Variants in CLVS1 observed in about 807,000 individuals in gnomAD.
CLVS1 encodes clavesin-1.
In CLVS1, 10 loss-of-function variants were observed where a neutral mutation model predicts 33.1. The ratio of observed to expected loss-of-function variants is 0.30; its 90% CI spans 0.19 to 0.51. The LOEUF is 0.51. Ranked by LOEUF, CLVS1 falls within the 20% of genes least tolerant of loss-of-function variation. The probability of loss-of-function intolerance (pLI) is 0.97; values close to 1 mark genes in which losing one functional copy is unlikely to be tolerated. For synonymous variants in CLVS1, 163 were observed against 166.1 expected, an observed-to-expected ratio of 0.98 and a Z score of 0.14; for missense variants, 343 against 433.4, an observed-to-expected ratio of 0.79 and a Z score of 1.85.
chr8:61,242,121 G>C (rs889961848), intron 2 of CLVS1, among the ~76,000 whole-genome samples: 1 of 151,922 alleles, frequency 6.6e-6, no homozygotes. Flanking sequence ...ATATGATCAG[G>C]CATGGTTTTC....
chr8:61,304,245 C>T (rs1810535382), intron 2 of CLVS1, among the ~76,000 whole-genome samples: 1 of 152,184 alleles, frequency 6.6e-6, no homozygotes. Flanking sequence ...TGGACCCAGA[C>T]ACATGGACAA....
At chr8:61,033,613 G>A in the CLVS1 span, among the ~76,000 whole-genome samples, 84 of 152,300 alleles carry the variant, frequency 5.5e-4, no homozygotes, top group Admixed American at 9.1e-4. Context: ...TGCCACTCCC[G>A]GGGAATTGCC....
chr8:61,325,334 G>A (rs1811346204), intron 2 of CLVS1, among the ~76,000 whole-genome samples: 1 of 151,998 alleles, frequency 6.6e-6, no homozygotes, highest in Non-Finnish European at 1.5e-5. Context: ...CCTTTAATAT[G>A]TACAACTTTG....
chr8:61,059,839 A>G (rs1034920845), intron 1 of CLVS1, among the ~76,000 whole-genome samples: 1 of 152,008 alleles, frequency 6.6e-6, no homozygotes, highest in African/African-American at 2.4e-5. Context: ...ACGTATATTT[A>G]TTCTGCAGCC....
intron 3 of CLVS1, among the ~76,000 whole-genome samples, chr8:61,442,227 T>C (rs1335751497): frequency 6.6e-6 from 1 of 152,214 alleles, no homozygotes; most frequent in African/African-American, 2.4e-5. Context: ...CCCTTTTTAC[T>C]CAGCAAAATT....
chr8:61,464,745 A>T (rs920411899), intron 5 of CLVS1: 1 of 152,284 alleles, frequency 6.6e-6, no homozygotes, highest in African/African-American at 2.4e-5. Flanking sequence ...GGCCACAAGG[A>T]TGTCCTGCCC....
intron 2 of CLVS1, among the ~76,000 whole-genome samples, chr8:61,308,085 G>C (rs1374252667): frequency 3.9e-5 from 6 of 152,158 alleles, no homozygotes; most frequent in Non-Finnish European, 8.8e-5. Flanking sequence ...CCTTAAGTTG[G>C]CTGCTGGTCA....
At chr8:61,455,079 T>C (rs1469846561) in intron 4 of CLVS1, among the ~76,000 whole-genome samples, 2 of 152,172 alleles carry the variant, frequency 1.3e-5, no homozygotes. Flanking sequence ...ATTGGATATA[T>C]TTAAGGTGTT....
In CLVS1 at chr8:61,101,121, T is replaced by C. The variant is rs1368606082; in HGVS notation, c.-242-30649T>C. On this transcript the variant is annotated intron_variant, in intron 1 of 2. Transcript: ENST00000522621. ...GGAATTGCTGGATCATATAGTAACA[T>C]GACCATACGTTTAAATATACATTTA... Among the ~76,000 whole-genome samples the C allele has an allele frequency of 2.6e-5, 4 of 152,202 alleles. No individual in the cohort carries two copies. In the East Asian group the frequency reaches 7.7e-4, roughly 29 times the overall value.
intron 3 of CLVS1, among the ~76,000 whole-genome samples, chr8:61,396,826 CATA>C (rs1814547291): frequency 6.6e-6 from 1 of 152,164 alleles, no homozygotes; most frequent in African/African-American, 2.4e-5. Flanking sequence ...TTTCTCTCAG[CATA>C]ATGTTTTCAA....
intron 2 of CLVS1, among the ~76,000 whole-genome samples, chr8:61,261,305 C>G (rs911589937): frequency 2.6e-5 from 4 of 152,170 alleles, no homozygotes; most frequent in African/African-American, 9.7e-5. Flanking sequence ...GGTTAAGCAA[C>G]ATTATTTTAT....
At chr8:61,266,412 T>C (rs1809304507) in intron 2 of CLVS1, among the ~76,000 whole-genome samples, 1 of 152,080 alleles carries the variant, frequency 6.6e-6, no homozygotes, top group African/African-American at 2.4e-5. Flanking sequence ...AATATCCTTT[T>C]CTTCCCCCAG....
chr8:61,060,806 C>T (rs553086457), intron 1 of CLVS1, among the ~76,000 whole-genome samples: 7 of 152,198 alleles, frequency 4.6e-5, no homozygotes, highest in South Asian at 2.1e-4. Flanking sequence ...CAAACGTGCC[C>T]GAGGCCACAG....
intron 5 of CLVS1, among the ~76,000 whole-genome samples, chr8:61,466,070 A>C (rs1001084913): frequency 3.3e-5 from 5 of 152,182 alleles, no homozygotes; most frequent in African/African-American, 1.2e-4. Context: ...ACTTTCTCCT[A>C]CCTAATTTAC....
Position 61,499,559 on chromosome 8 carries a change from A to G in CLVS1, c.*17A>G, listed in dbSNP as rs781191905. ...CTGGACTGAACCCTGAGTCACCCCA[A>G]TGCTCCTGCACACTGGCCTTCAGTG... is the stretch of plus-strand genomic sequence containing the variant. On this transcript the variant is annotated 3_prime_UTR_variant, in exon 6 of 6. Coordinates refer to ENST00000325897, the MANE Select transcript of CLVS1 (RefSeq NM_173519.3). The G allele has an allele frequency of 2.5e-6, 4 of 1,599,478 alleles. No individual in the cohort carries two copies. The highest frequency in any genetic ancestry group is 2.2e-5 in the South Asian group (2 of 90,784).
At chr8:61,135,789 A>G (rs1236922502) in intron 2 of CLVS1, among the ~76,000 whole-genome samples, 3 of 152,332 alleles carry the variant, frequency 2.0e-5, no homozygotes, top group African/African-American at 7.2e-5. Context: ...AAGCTTGAAG[A>G]TGGTGTGCTA....
the CLVS1 span, among the ~76,000 whole-genome samples, chr8:61,028,983 C>T: frequency 2.0e-5 from 3 of 152,206 alleles, no homozygotes; most frequent in South Asian, 4.1e-4. Context: ...TCCCCAAGAA[C>T]ACACATCTGT....
chr8:61,403,037 G>A (rs1263409863), intron 3 of CLVS1, among the ~76,000 whole-genome samples: 1 of 152,190 alleles, frequency 6.6e-6, no homozygotes, highest in African/African-American at 2.4e-5. Flanking sequence ...AACTACTAGG[G>A]TATGAATAAG....
chr8:61,075,019 G>A (rs999677311), intron 1 of CLVS1, among the ~76,000 whole-genome samples: 1 of 151,898 alleles, frequency 6.6e-6, no homozygotes, highest in African/African-American at 2.4e-5. Context: ...TTTTCCTGTT[G>A]TTCAGGCGGG....
Sources: gnomAD v4.1 joint callset for allele counts (sites outside exome capture counted in the v4.1 genomes callset) on GRCh38, gnomAD v4.1.1 for gene constraint, MANE v1.5 for transcripts, NCBI Gene and HGNC (gene_info 2026-07-23, HGNC 2026-07-21) for gene names.